The following SFMBT2 variants were observed in gnomAD, a reference collection of about 807,000 sequenced individuals.
The protein encoded by SFMBT2 is scm-like with four MBT domains protein 2.
In SFMBT2, 38 loss-of-function variants were observed where a neutral mutation model predicts 110.1. The observed-to-expected ratio is 0.35, with a 90% CI of 0.27 to 0.45. The LOEUF (loss-of-function observed/expected upper bound fraction) is 0.45, where lower values mean the gene tolerates loss of function less well. Among genes scored for constraint, SFMBT2 ranks in the 20% least tolerant of loss-of-function variants. The pLI, the probability that SFMBT2 is intolerant of heterozygous loss-of-function variation, is 1.00. For missense variants in SFMBT2, 1,011 were observed against 1,094.9 expected, an observed-to-expected ratio of 0.92 and a Z score of 1.08; for synonymous variants, 425 against 425.4, an observed-to-expected ratio of 1.00 and a Z score of 0.01.
chr10:7,247,137 G>A (rs1736848174), intron 8 of SFMBT2, among the ~76,000 whole-genome samples: 1 of 152,066 alleles, frequency 6.6e-6, no homozygotes, highest in Non-Finnish European at 1.5e-5. Flanking sequence ...TTTGTTTTGA[G>A]ATGGAGTCTC....
intron 4 of SFMBT2, among the ~76,000 whole-genome samples, chr10:7,331,865 C>T (rs145363887): frequency 3.9e-4 from 59 of 152,074 alleles, no homozygotes; most frequent in South Asian, 1.7e-3. Context: ...CAAAAATTAG[C>T]CGGGCGTGGT....
chr10:7,355,167 ATTTTGT>A (rs1168731551), intron 4 of SFMBT2, among the ~76,000 whole-genome samples: 1 of 152,234 alleles, frequency 6.6e-6, no homozygotes, highest in Non-Finnish European at 1.5e-5. Flanking sequence ...TTTTTTAATC[ATTTTGT>A]TCAAAAATGC....
intron 2 of SFMBT2, among the ~76,000 whole-genome samples, chr10:7,379,573 A>G (rs1327488766): frequency 6.6e-6 from 1 of 152,198 alleles, no homozygotes; most frequent in African/African-American, 2.4e-5. Flanking sequence ...ATCGTCATCT[A>G]AAACTCTCCT....
intron 20 of SFMBT2, among the ~76,000 whole-genome samples, chr10:7,164,857 G>A (rs540970911): frequency 1.3e-5 from 2 of 151,982 alleles, no homozygotes; most frequent in South Asian, 4.2e-4. Flanking sequence ...GCCCCACTGT[G>A]TCCTGCCTCA....
chr10:7,372,491 C>G (rs77501065), intron 2 of SFMBT2, among the ~76,000 whole-genome samples: 2 of 152,300 alleles, frequency 1.3e-5, no homozygotes, highest in Non-Finnish European at 2.9e-5. Flanking sequence ...ACATTCGGTC[C>G]CACCCAGGGA....
chr10:7,271,291 C>CA (rs56364927), intron 7 of SFMBT2, among the ~76,000 whole-genome samples: 9,989 of 97,514 alleles, frequency 0.1, 1,071 homozygotes, highest in African/African-American at 0.26. Context: ...AGATTGCCTC[C>CA]AAAAAAAAAA....
chr10:7,240,390 C>G (rs1471609029), intron 9 of SFMBT2, among the ~76,000 whole-genome samples: 3 of 152,144 alleles, frequency 2.0e-5, no homozygotes, highest in Admixed American at 1.3e-4. Flanking sequence ...AGAAGGATCT[C>G]CAAAGTCTAT....
chr10:7,348,304 C>T (rs1284742680), intron 4 of SFMBT2: 1 of 1,530,402 alleles, frequency 6.5e-7, no homozygotes, highest in East Asian at 2.5e-5. Context: ...ATATGTTGAA[C>T]AGAAGCTGAT....
intron 15 of SFMBT2, among the ~76,000 whole-genome samples, chr10:7,191,112 A>C (rs1838588060): frequency 6.9e-6 from 1 of 145,696 alleles, no homozygotes; most frequent in African/African-American, 2.5e-5. Context: ...TCCTTTATAA[A>C]TTGCCCAGTC....
intron 7 of SFMBT2, among the ~76,000 whole-genome samples, chr10:7,253,287 G>C (rs1840874989): frequency 6.6e-6 from 1 of 152,162 alleles, no homozygotes; most frequent in African/African-American, 2.4e-5. Context: ...CCAAGGAGGG[G>C]GTTTCAGGAA....
At chr10:7,302,874 T>C (rs1296086207) in intron 4 of SFMBT2, among the ~76,000 whole-genome samples, 1 of 152,226 alleles carries the variant, frequency 6.6e-6, no homozygotes, top group East Asian at 1.9e-4. Flanking sequence ...TTTTTCTTTC[T>C]TATCAATAAC....
chr10:7,393,038 T>C (rs1845825254), intron 1 of SFMBT2, among the ~76,000 whole-genome samples: 1 of 119,728 alleles, frequency 8.4e-6, no homozygotes, highest in Admixed American at 8.3e-5. Flanking sequence ...TATATATAAT[T>C]TTTTTTTTTT....
chr10:7,309,220 G>A (rs1449363742), intron 4 of SFMBT2, among the ~76,000 whole-genome samples: 2 of 152,224 alleles, frequency 1.3e-5, no homozygotes, highest in Non-Finnish European at 2.9e-5. Context: ...GCAAGGAAGG[G>A]GGACCTTCTC....
intron 4 of SFMBT2, among the ~76,000 whole-genome samples, chr10:7,290,139 A>C (rs886810514): frequency 3.3e-5 from 5 of 152,184 alleles, no homozygotes; most frequent in Non-Finnish European, 5.9e-5. Flanking sequence ...TACGACAGGA[A>C]AGAAATGATC....
chr10:7,360,174 G>A (rs900650162), intron 4 of SFMBT2, among the ~76,000 whole-genome samples: 4 of 150,856 alleles, frequency 2.7e-5, no homozygotes, highest in African/African-American at 4.8e-5. Flanking sequence ...GATGACCAAA[G>A]AGAGTGTGTG....
chr10:7,384,257 A>G (rs866360131), intron 1 of SFMBT2, among the ~76,000 whole-genome samples: 48 of 151,350 alleles, frequency 3.2e-4, no homozygotes, highest in African/African-American at 1.0e-3. Context: ...GAAAGGACAA[A>G]TAAGTACCAT....
chr10:7,165,934 C>T (rs1386737402), intron 20 of SFMBT2, among the ~76,000 whole-genome samples: 2 of 152,228 alleles, frequency 1.3e-5, no homozygotes, highest in African/African-American at 4.8e-5. Flanking sequence ...GGCCTGGGGC[C>T]TGTAGGCCAA....
intron 1 of SFMBT2, among the ~76,000 whole-genome samples, chr10:7,410,506 T>C (rs2132142087): frequency 1.3e-5 from 2 of 152,236 alleles, no homozygotes; most frequent in African/African-American, 4.8e-5. Context: ...GGAGGACACT[T>C]TGCAACTCCG....
At chr10:7,258,672 G>A (rs1373964484) in intron 7 of SFMBT2, among the ~76,000 whole-genome samples, 7 of 152,068 alleles carry the variant, frequency 4.6e-5, no homozygotes, top group East Asian at 1.9e-4. Context: ...GCCAGGTCCC[G>A]CTGAAAAAAC....
Sources: gnomAD v4.1 joint callset for allele counts (sites outside exome capture counted in the v4.1 genomes callset) on GRCh38, gnomAD v4.1.1 for gene constraint, MANE v1.5 for transcripts, NCBI Gene and HGNC (gene_info 2026-07-23, HGNC 2026-07-21) for gene names.